EYS: variants seen among roughly 807,000 people sequenced by gnomAD.
The protein encoded by EYS is protein eyes shut homolog.
Under a neutral mutation model 282.1 loss-of-function variants are expected in EYS, and 250 were observed. The observed-to-expected ratio is 0.89, with a 90% CI of 0.80 to 0.98. The LOEUF is 0.98. Ranked by LOEUF, EYS falls within the 50% of genes least tolerant of loss-of-function variation. The pLI is 0.00. For missense variants in EYS, 4,016 were observed against 3,709.0 expected, an observed-to-expected ratio of 1.08 and a Z score of -2.15; for synonymous variants, 1,355 against 1,282.9, an observed-to-expected ratio of 1.06 and a Z score of -1.20.
In EYS at chr6:64,399,988, G is replaced by A. The variant is rs544983452; in HGVS notation, c.5928-11148C>T. Among the ~76,000 whole-genome samples the A allele has an allele frequency of 1.4e-4, 21 of 151,982 alleles. 1 individual carries two copies. The East Asian group carries it at 4.1e-3, about 29-fold the overall frequency. On this transcript the variant is annotated intron_variant, in intron 28 of 42. Coordinates refer to ENST00000503581, the MANE Select transcript of EYS (RefSeq NM_001142800.2). ...TTTCTGCAGAACAGCAATGGATCAG[G>A]TGATTAGCCTTTGACTATCAACTCT...
intron 1 of EYS, among the ~76,000 whole-genome samples, chr6:65,685,064 T>C (rs1768968006): frequency 1.3e-5 from 2 of 152,002 alleles, no homozygotes; most frequent in Non-Finnish European, 2.9e-5. Context: ...TATTTTTATG[T>C]AGTCCAACCT....
At chr6:63,832,282 G>A (rs1274752423) in intron 36 of EYS, among the ~76,000 whole-genome samples, 4 of 152,158 alleles carry the variant, frequency 2.6e-5, no homozygotes, top group African/African-American at 9.6e-5. Flanking sequence ...CCAGGAGCTG[G>A]TTTTTTGAAA....
At chr6:65,156,945 A>AT (rs1436573434) in intron 12 of EYS, among the ~76,000 whole-genome samples, 1 of 150,944 alleles carries the variant, frequency 6.6e-6, no homozygotes, top group East Asian at 2.0e-4. Flanking sequence ...CATCTATTCT[A>AT]TTTTAGCCAC....
At chr6:65,557,855 G>T (rs1407155571) in intron 2 of EYS, among the ~76,000 whole-genome samples, 1 of 152,148 alleles carries the variant, frequency 6.6e-6, no homozygotes, top group South Asian at 2.1e-4. Flanking sequence ...AGGTCTTTGT[G>T]TAGAGGAGAC....
chr6:63,720,986 A>C lies in EYS; in HGVS notation c.9045T>G (p.Asn3015Lys). The C allele has an allele frequency of 6.4e-7, 1 of 1,551,350 alleles. No individual in the cohort carries two copies. The highest frequency in any genetic ancestry group is 8.7e-7 in the Non-Finnish European group (1 of 1,146,764). Reference protein sequence around the residue: ...ENDFLAIGLHNQTLKIAVNLG... With the variant: ...ENDFLAIGLHKQTLKIAVNLG... ...AGTTAACTGCTATTTTCAAGGTCTGATTATGGAGACCAATTGCCAGAAAAT... is the reference window on the plus strand; with the variant it reads ...AGTTAACTGCTATTTTCAAGGTCTGCTTATGGAGACCAATTGCCAGAAAAT... The change falls in exon 43 of 43, where the codon AAT (asparagine) becomes AAG (lysine). Residue 3015 changes from asparagine to lysine, a missense_variant. Transcript: ENST00000503581.
At position 63,997,715 on chromosome 6, in the gene EYS, C is replaced by G. The variant is rs530543755; in HGVS notation, c.6834+1360G>C. 1.4e-4 allele frequency among the ~76,000 whole-genome samples: 21 copies of G among 152,234 alleles called. No homozygotes were observed. The South Asian group carries it at 4.4e-3, about 32-fold the overall frequency. The stretch of plus-strand genomic sequence containing the variant: ...CAAGGTAACTGGTTTGTCAAAGAGG[C>G]TATAAATATGTCATATTTAACATTT... On this transcript the variant is annotated intron_variant, in intron 34 of 42. Transcript: ENST00000503581.
intron 26 of EYS, among the ~76,000 whole-genome samples, chr6:64,551,836 G>C (rs957978186): frequency 6.6e-6 from 1 of 152,160 alleles, no homozygotes; most frequent in Non-Finnish European, 1.5e-5. Context: ...GTGTAAAAGT[G>C]TTCCTATTTC....
intron 12 of EYS, among the ~76,000 whole-genome samples, chr6:65,195,800 A>G (rs867717859): frequency 1.3e-5 from 2 of 152,086 alleles, no homozygotes; most frequent in South Asian, 4.1e-4. Flanking sequence ...AAAGAATATT[A>G]GTGAAAAATG....
At chr6:64,477,644 C>G (rs1312624040) in intron 26 of EYS, among the ~76,000 whole-genome samples, 5 of 152,034 alleles carry the variant, frequency 3.3e-5, no homozygotes, top group Non-Finnish European at 5.9e-5. Flanking sequence ...TATAATTTAT[C>G]CATACTTTTC....
At chr6:65,569,290 C>T (rs1764397224) in intron 2 of EYS, among the ~76,000 whole-genome samples, 1 of 151,950 alleles carries the variant, frequency 6.6e-6, no homozygotes, top group East Asian at 1.9e-4. Flanking sequence ...TATAAAACGG[C>T]CCCACCCTTA....
chr6:65,680,884 C>T (rs1348017649), intron 1 of EYS, among the ~76,000 whole-genome samples: 1 of 151,840 alleles, frequency 6.6e-6, no homozygotes, highest in East Asian at 1.9e-4. Context: ...TAACTCTATT[C>T]AATTCTCACA....
At chr6:64,809,639 G>A (rs1764536382) in intron 22 of EYS, among the ~76,000 whole-genome samples, 2 of 152,068 alleles carry the variant, frequency 1.3e-5, no homozygotes, top group Admixed American at 6.6e-5. Flanking sequence ...GTACTATGCA[G>A]CCACAAAAAA....
chr6:65,424,122 C>CCAAAGACTG (rs1351634177), intron 5 of EYS, among the ~76,000 whole-genome samples: 1 of 151,914 alleles, frequency 6.6e-6, no homozygotes. Flanking sequence ...ATTAACTCAG[C>CCAAAGACTG]CAAAGACTGC....
intron 31 of EYS, among the ~76,000 whole-genome samples, chr6:64,210,437 G>T (rs966174380): frequency 6.6e-6 from 1 of 152,018 alleles, no homozygotes; most frequent in African/African-American, 2.4e-5. Flanking sequence ...TGTATCCGTG[G>T]TGTCTCCTTT....
chr6:64,865,672 A>G (rs1766403131), intron 19 of EYS, among the ~76,000 whole-genome samples: 1 of 152,128 alleles, frequency 6.6e-6, no homozygotes, highest in Non-Finnish European at 1.5e-5. Flanking sequence ...TATTAAATGT[A>G]TATTTAAAAT....
At chr6:65,600,594 G>A (rs1765582051) in intron 2 of EYS, among the ~76,000 whole-genome samples, 2 of 151,948 alleles carry the variant, frequency 1.3e-5, no homozygotes, top group African/African-American at 2.4e-5. Context: ...ATGTCCCCTC[G>A]TGAACACGAA....
chr6:64,773,728 G>A (rs567417920), intron 22 of EYS, among the ~76,000 whole-genome samples: 5 of 152,014 alleles, frequency 3.3e-5, no homozygotes, highest in Non-Finnish European at 7.4e-5. Context: ...AATGATTAGA[G>A]ATGTTGAGTA....
chr6:64,958,456 A>G (rs1407057404), intron 14 of EYS, among the ~76,000 whole-genome samples: 2 of 152,170 alleles, frequency 1.3e-5, no homozygotes, highest in Non-Finnish European at 2.9e-5. Flanking sequence ...AGATTAAGAA[A>G]CAATCTTCAG....
At chr6:65,407,579 A>G (rs1448513222) in intron 5 of EYS, among the ~76,000 whole-genome samples, 1 of 152,116 alleles carries the variant, frequency 6.6e-6, no homozygotes, top group Non-Finnish European at 1.5e-5. Flanking sequence ...TAATATACAG[A>G]AAGGCAAATT....
Sources: allele counts gnomAD v4.1 joint callset (sites outside exome capture counted in the v4.1 genomes callset), GRCh38; gene constraint gnomAD v4.1.1; transcripts MANE v1.5; gene names NCBI Gene and HGNC (gene_info 2026-07-23, HGNC 2026-07-21).